The following DOCK8 variants were observed in gnomAD, a reference collection of about 807,000 sequenced individuals.
DOCK8 encodes the protein dedicator of cytokinesis 8.
DOCK8 carries 141 observed loss-of-function variants against 245.6 expected under a neutral mutation model. That is an observed-to-expected ratio of 0.57 (90% CI 0.50 to 0.66). The LOEUF is 0.66. Among genes scored for constraint, DOCK8 ranks in the 30% least tolerant of loss-of-function variants. The probability of loss-of-function intolerance (pLI) is 0.00; values close to 1 mark genes in which losing one functional copy is unlikely to be tolerated. For synonymous variants in DOCK8, 1,168 were observed against 970.2 expected (o/e 1.20, Z -3.79); for missense variants, 2,965 against 2,603.4 (o/e 1.14, Z -3.02).
intron 5 of DOCK8, among the ~76,000 whole-genome samples, chr9:306,609 T>C (rs1277342386): frequency 6.6e-6 from 1 of 152,156 alleles, no homozygotes; most frequent in Non-Finnish European, 1.5e-5. Flanking sequence ...GGGGCTGGGG[T>C]ATACGGCAGT....
intron 2 of DOCK8, among the ~76,000 whole-genome samples, chr9:277,528 GAGACCCTGTCTC>G (rs2048407772): frequency 6.7e-6 from 1 of 148,466 alleles, no homozygotes; most frequent in African/African-American, 2.6e-5. Flanking sequence ...GAAGAGTTAG[GAGACCCTGTCTC>G]AGAGGAAAGG....
intron 14 of DOCK8, among the ~76,000 whole-genome samples, chr9:351,142 G>A (rs913212711): frequency 3.9e-5 from 6 of 152,146 alleles, no homozygotes; most frequent in East Asian, 1.9e-4. Flanking sequence ...TGGTAGGGTC[G>A]GGGTTCCACC....
At chr9:404,109 A>T (rs960895243) in intron 26 of DOCK8, among the ~76,000 whole-genome samples, 4 of 151,082 alleles carry the variant, frequency 2.6e-5, no homozygotes, top group African/African-American at 9.7e-5. Flanking sequence ...GGGGGTGATA[A>T]TGATGAAATA....
chr9:431,730 A>G (rs1464638200), intron 36 of DOCK8, among the ~76,000 whole-genome samples: 1 of 151,990 alleles, frequency 6.6e-6, no homozygotes, highest in Non-Finnish European at 1.5e-5. Flanking sequence ...GCTGATCTTG[A>G]ACTCCTGAGC....
chr9:222,303 T>A (rs2046900524), intron 1 of DOCK8, among the ~76,000 whole-genome samples: 1 of 152,108 alleles, frequency 6.6e-6, no homozygotes, highest in South Asian at 2.1e-4. Context: ...AGGTTCTGAC[T>A]TTTCACAATA....
chr9:419,007 ACT>A (rs1345459865), intron 30 of DOCK8, among the ~76,000 whole-genome samples: 1 of 151,736 alleles, frequency 6.6e-6, no homozygotes, highest in Non-Finnish European at 1.5e-5. Context: ...TTTTGCATGG[ACT>A]CTGTGGGCTC....
At chr9:347,409 G>A (rs139363021) in intron 14 of DOCK8, among the ~76,000 whole-genome samples, 2 of 152,184 alleles carry the variant, frequency 1.3e-5, no homozygotes, top group Admixed American at 1.3e-4. Context: ...GTGAGGCTGA[G>A]GTGGGAGGAT....
chr9:441,753 G>C (rs1324569291), intron 41 of DOCK8, 122 bp from the exon 42 acceptor site: 23 of 1,289,098 alleles, frequency 1.8e-5, no homozygotes, highest in Non-Finnish European at 2.5e-5. Flanking sequence ...AGTAATTTCT[G>C]TTTACATCAG....
intron 29 of DOCK8, 35 bp from the exon 30 acceptor site, chr9:418,033 T>C (rs1355709758): frequency 6.2e-7 from 1 of 1,613,932 alleles, no homozygotes; most frequent in Admixed American, 1.7e-5. Flanking sequence ...AATGTCATGT[T>C]TGACTTGACA....
intron 2 of DOCK8, among the ~76,000 whole-genome samples, chr9:281,641 CTGTGTGTG>C (rs60099453): frequency 2.0e-5 from 3 of 150,690 alleles, no homozygotes; most frequent in South Asian, 4.2e-4. Flanking sequence ...GTTTGTGTGC[CTGTGTGTG>C]TGTGTGTGTG....
At chr9:297,530 C>T (rs959504479) in intron 4 of DOCK8, among the ~76,000 whole-genome samples, 11 of 152,188 alleles carry the variant, frequency 7.2e-5, no homozygotes, top group African/African-American at 2.7e-4. Context: ...CCCCATTTTT[C>T]TCCTGTCTGC....
In DOCK8 at chr9:339,055, A is replaced by G. The variant is rs2051450473; in HGVS notation, c.1472A>G (p.Tyr491Cys). Residue 491 changes from tyrosine to cysteine, a missense_variant, in exon 13 of 48, where the codon TAC (tyrosine) becomes TGC (cysteine). Physicochemically the swap from Tyr to Cys is radical, Grantham distance 194. Transcript: ENST00000432829. ...DEDLFKFLAD[Y>C]KRSSSLQRRV... is the part of the protein sequence containing the mutation. The stretch of plus-strand genomic sequence containing the variant: ...GACTTATTCAAGTTTTTAGCTGACT[A>G]CAAAAGATCATCATCCTTACAGAGA... 2.5e-6 allele frequency: 4 copies of G among 1,614,046 alleles called. No individual in the cohort carries two copies. The highest frequency in any genetic ancestry group is 2.2e-5 in the South Asian group (2 of 91,094).
At chr9:261,691 G>T (rs1372841810) in intron 1 of DOCK8, among the ~76,000 whole-genome samples, 1 of 152,120 alleles carries the variant, frequency 6.6e-6, no homozygotes. Flanking sequence ...ACAGAAGTAT[G>T]TTTGAAACTT....
intron 13 of DOCK8, among the ~76,000 whole-genome samples, chr9:339,489 T>C (rs72701288): frequency 0.013 from 1,992 of 152,290 alleles, 47 homozygotes; most frequent in African/African-American, 0.045. Flanking sequence ...TTCTGTAGCA[T>C]CCTCAGGTCC....
chr9:335,209 A>G (rs1266147667), intron 11 of DOCK8, among the ~76,000 whole-genome samples: 1 of 152,214 alleles, frequency 6.6e-6, no homozygotes, highest in South Asian at 2.1e-4. Context: ...TTTATTTAGC[A>G]TATTTCTTTT....
intron 26 of DOCK8, among the ~76,000 whole-genome samples, chr9:400,866 C>T (rs2054978688): frequency 9.8e-6 from 1 of 101,706 alleles, no homozygotes; most frequent in Admixed American, 9.7e-5. Flanking sequence ...ACCTCCTCCA[C>T]CATCACCACC....
chr9:298,320 G>A (rs974833819), intron 4 of DOCK8, among the ~76,000 whole-genome samples: 2 of 152,188 alleles, frequency 1.3e-5, no homozygotes, highest in African/African-American at 4.8e-5. Flanking sequence ...AGCTACTTAA[G>A]AGGCTGAGAC....
At chr9:428,960 C>A (rs1197867272) in intron 35 of DOCK8, among the ~76,000 whole-genome samples, 1 of 151,956 alleles carries the variant, frequency 6.6e-6, no homozygotes, top group African/African-American at 2.4e-5. Flanking sequence ...TTATTTTTCC[C>A]TTTATTTATT....
At chr9:298,202 A>G (rs1370878070) in intron 4 of DOCK8, among the ~76,000 whole-genome samples, 5 of 152,162 alleles carry the variant, frequency 3.3e-5, no homozygotes, top group Admixed American at 2.0e-4. Context: ...AGGCGGGTGG[A>G]TCACCTGAGG....
Sources: allele counts gnomAD v4.1 joint callset (sites outside exome capture counted in the v4.1 genomes callset), GRCh38; gene constraint gnomAD v4.1.1; transcripts MANE v1.5; gene names NCBI Gene and HGNC (gene_info 2026-07-23, HGNC 2026-07-21).